MACROD2: variants seen among roughly 807,000 people sequenced by gnomAD.
MACROD2 encodes the protein mono-ADP ribosylhydrolase 2, also known as ADP-ribose glycohydrolase MACROD2.
A neutral mutation model predicts 70.4 loss-of-function variants in MACROD2; 36 were observed. The observed-to-expected ratio is 0.51, with a 90% CI of 0.39 to 0.68. The LOEUF is 0.68. Among genes scored for constraint, MACROD2 ranks in the 30% least tolerant of loss-of-function variants. The pLI is 0.00. For missense variants in MACROD2, 496 were observed against 538.4 expected (o/e 0.92, Z 0.78); for synonymous variants, 172 against 178.8 (o/e 0.96, Z 0.30).
chr20:15,299,863 T>C (rs1257179371), intron 6 of MACROD2, among the ~76,000 whole-genome samples: 1 of 152,178 alleles, frequency 6.6e-6, no homozygotes, highest in Non-Finnish European at 1.5e-5. Flanking sequence ...GGGAGAAAAC[T>C]TACCCAGAGA....
chr20:14,622,900 C>G (rs902414103), intron 4 of MACROD2: 5 of 152,306 alleles, frequency 3.3e-5, no homozygotes, highest in Middle Eastern at 6.8e-3. Flanking sequence ...CCAGATCCCC[C>G]TTTCAGAACC....
intron 6 of MACROD2, among the ~76,000 whole-genome samples, chr20:15,293,879 A>C (rs2077562529): frequency 6.6e-6 from 1 of 152,168 alleles, no homozygotes; most frequent in African/African-American, 2.4e-5. Context: ...GCACTTTGGG[A>C]GGCCGAGGCA....
At chr20:14,044,787 G>T (rs1437493717) in intron 2 of MACROD2, among the ~76,000 whole-genome samples, 1 of 152,338 alleles carries the variant, frequency 6.6e-6, no homozygotes, top group South Asian at 2.1e-4. Context: ...CCGCACTGGG[G>T]CTGCAGGTGG....
At chr20:15,403,513 CT>C (rs2045958469) in intron 6 of MACROD2, among the ~76,000 whole-genome samples, 1 of 152,092 alleles carries the variant, frequency 6.6e-6, no homozygotes, top group Admixed American at 6.5e-5. Flanking sequence ...GTAATACCCA[CT>C]TTTACTTCTT....
intron 2 of MACROD2, among the ~76,000 whole-genome samples, chr20:14,006,602 G>A (rs1260809610): frequency 6.6e-6 from 1 of 151,968 alleles, no homozygotes; most frequent in African/African-American, 2.4e-5. Context: ...GTCTCATAAA[G>A]GATTTTTTCT....
At chr20:14,388,414 A>G (rs1480544639) in intron 3 of MACROD2, among the ~76,000 whole-genome samples, 2 of 152,328 alleles carry the variant, frequency 1.3e-5, no homozygotes, top group Non-Finnish European at 2.9e-5. Context: ...AAAAATTCAT[A>G]TATGACTTGA....
At chr20:15,911,932 G>A (rs914533743) in intron 10 of MACROD2, among the ~76,000 whole-genome samples, 2 of 152,190 alleles carry the variant, frequency 1.3e-5, no homozygotes, top group Admixed American at 6.5e-5. Context: ...CTTGAACCCC[G>A]GAGGCAGAGG....
intron 5 of MACROD2, among the ~76,000 whole-genome samples, chr20:15,114,809 G>A (rs2075980611): frequency 6.6e-6 from 1 of 151,838 alleles, no homozygotes; most frequent in Non-Finnish European, 1.5e-5. Flanking sequence ...TTGTTCTGTG[G>A]ATTCTGTCTG....
intron 3 of MACROD2, chr20:14,223,030 G>T (rs1331105296): frequency 1.3e-5 from 2 of 152,204 alleles, no homozygotes; most frequent in Non-Finnish European, 2.9e-5. Context: ...ATAAGGAATT[G>T]AGGAGAGTAT....
At chr20:15,156,991 G>A (rs976314090) in intron 5 of MACROD2, among the ~76,000 whole-genome samples, 12 of 152,170 alleles carry the variant, frequency 7.9e-5, no homozygotes, top group Non-Finnish European at 1.6e-4. Context: ...TGATTTCAGC[G>A]CTAAGCTGGT....
chr20:15,052,797 C>T (rs1156710924), intron 5 of MACROD2, among the ~76,000 whole-genome samples: 2 of 152,176 alleles, frequency 1.3e-5, no homozygotes, highest in African/African-American at 4.8e-5. Flanking sequence ...GTGCGGAAGG[C>T]ATGTTGAAAG....
At position 15,217,660 on chromosome 20, in the gene MACROD2, A is replaced by G. The variant is rs370061516; in HGVS notation, c.419-12280A>G. ...GCCTCTCAAGCCATTTTCTCATATC[A>G]TCTCAACCACAACCCCATTTCTAAA... On this transcript the variant is annotated intron_variant, in intron 5 of 17. Coordinates refer to ENST00000684519, the MANE Select transcript of MACROD2 (RefSeq NM_001351661.2). Among the ~76,000 whole-genome samples, 109 of 152,216 alleles carry G rather than the reference A, an allele frequency of 7.2e-4. 4 individuals carry two copies. In the South Asian group the frequency reaches 0.022, roughly 31 times the overall value.
At position 14,121,813 on chromosome 20, in the gene MACROD2, G is replaced by A. The variant is rs142177667; in HGVS notation, c.271+36085G>A. Among the ~76,000 whole-genome samples the A allele has an allele frequency of 2.0e-5, 3 of 152,166 alleles. No individual in the cohort carries two copies. The East Asian group carries it at 5.8e-4, about 29-fold the overall frequency. On this transcript the variant is annotated intron_variant, in intron 3 of 17. Coordinates refer to ENST00000684519, the MANE Select transcript of MACROD2 (RefSeq NM_001351661.2). The stretch of plus-strand genomic sequence containing the variant: ...ATAAAGCTAAAAGAAGCTTTGTTAT[G>A]TCTTTTAACAAAATATTGATCTTTT...
intron 4 of MACROD2, chr20:14,627,172 T>G (rs1445412549): frequency 6.6e-6 from 1 of 152,226 alleles, no homozygotes; most frequent in South Asian, 2.1e-4. Flanking sequence ...TGAACTAAAA[T>G]GCGTGCTGTA....
intron 5 of MACROD2, among the ~76,000 whole-genome samples, chr20:14,925,213 G>A (rs1408428): frequency 0.57 from 87,256 of 151,802 alleles, 25,346 homozygotes; most frequent in South Asian, 0.73. Context: ...CTCTGGTTAA[G>A]ATTATGCTCA....
At chr20:14,109,402 A>G (rs893833456) in intron 3 of MACROD2, among the ~76,000 whole-genome samples, 5 of 151,930 alleles carry the variant, frequency 3.3e-5, no homozygotes, top group African/African-American at 9.7e-5. Context: ...AATAATAAAG[A>G]TCAGAGCAGA....
intron 13 of MACROD2, among the ~76,000 whole-genome samples, chr20:15,985,481 A>C (rs1255522583): frequency 6.6e-6 from 1 of 152,218 alleles, no homozygotes; most frequent in Non-Finnish European, 1.5e-5. Flanking sequence ...GGAGTGGGGC[A>C]AGTTCCAAAG....
At chr20:14,893,451 C>T (rs1218903064) in intron 5 of MACROD2, 5 of 152,036 alleles carry the variant, frequency 3.3e-5, no homozygotes, top group South Asian at 2.1e-4. Flanking sequence ...TGTTACTTTC[C>T]GTTTTTTGAT....
chr20:14,182,766 T>G (rs1220881546), intron 3 of MACROD2, among the ~76,000 whole-genome samples: 1 of 151,930 alleles, frequency 6.6e-6, no homozygotes, highest in Non-Finnish European at 1.5e-5. Flanking sequence ...CCGGGTCACT[T>G]TCTCCTGTTT....
Sources: allele counts gnomAD v4.1 joint callset (sites outside exome capture counted in the v4.1 genomes callset), GRCh38; gene constraint gnomAD v4.1.1; transcripts MANE v1.5; gene names NCBI Gene and HGNC (gene_info 2026-07-23, HGNC 2026-07-21).